The following IFT74 variants were observed in gnomAD, a reference collection of about 807,000 sequenced individuals.
The protein encoded by IFT74 is intraflagellar transport 74.
In IFT74, 92 loss-of-function variants were observed where a neutral mutation model predicts 96.7. That is an observed-to-expected ratio of 0.95 (90% CI 0.80 to 1.13). The LOEUF (loss-of-function observed/expected upper bound fraction) is 1.13, where lower values mean the gene tolerates loss of function less well. IFT74 is among the 50% of genes most tolerant of loss of function. The pLI is 0.00. For synonymous variants in IFT74, 223 were observed against 213.2 expected (o/e 1.05, Z -0.40); for missense variants, 811 against 698.2 (o/e 1.16, Z -1.82).
At chr9:27,054,660 A>G (rs964738798) in intron 16 of IFT74, among the ~76,000 whole-genome samples, 2 of 152,132 alleles carry the variant, frequency 1.3e-5, no homozygotes, top group African/African-American at 4.8e-5. Context: ...TCCTTGCAGC[A>G]TTTTCATGAT....
chr9:27,009,605 G>GT (rs1828951451), intron 9 of IFT74, among the ~76,000 whole-genome samples: 1 of 151,702 alleles, frequency 6.6e-6, no homozygotes, highest in African/African-American at 2.4e-5. Context: ...ATAGGTGGAG[G>GT]TTGCAGTAGT....
At chr9:26,947,962 C>A (rs949185472) in intron 1 of IFT74, among the ~76,000 whole-genome samples, 8 of 152,150 alleles carry the variant, frequency 5.3e-5, no homozygotes, top group Non-Finnish European at 8.8e-5. Flanking sequence ...TATTGAGTGC[C>A]AGGGTAAACA....
At chr9:27,035,365 A>G (rs1006783991) in intron 13 of IFT74, among the ~76,000 whole-genome samples, 8 of 152,264 alleles carry the variant, frequency 5.3e-5, no homozygotes, top group Non-Finnish European at 8.8e-5. Flanking sequence ...TCCAACATAT[A>G]TCTGCTGAAG....
intron 16 of IFT74, among the ~76,000 whole-genome samples, chr9:27,050,557 A>G (rs1819875902): frequency 6.6e-6 from 1 of 152,200 alleles, no homozygotes. Context: ...GGTGTGTTGC[A>G]GCTTTGAATT....
chr9:27,046,494 C>T (rs1819707249), intron 14 of IFT74, among the ~76,000 whole-genome samples: 1 of 151,956 alleles, frequency 6.6e-6, no homozygotes, highest in Admixed American at 6.6e-5. Context: ...AGAGCTGTTT[C>T]TATATTAAAC....
chr9:27,033,423 G>T (rs532054153), intron 13 of IFT74, among the ~76,000 whole-genome samples: 1 of 152,054 alleles, frequency 6.6e-6, no homozygotes, highest in Non-Finnish European at 1.5e-5. Context: ...GCCAGGCATG[G>T]TGATGTGTGT....
intron 13 of IFT74, among the ~76,000 whole-genome samples, chr9:27,034,476 G>A (rs1830261806): frequency 6.6e-6 from 1 of 152,076 alleles, no homozygotes; most frequent in Non-Finnish European, 1.5e-5. Context: ...ATTATGGAGG[G>A]TAAAATAAAC....
chr9:26,956,694 A>G (rs1826118860), intron 1 of IFT74, among the ~76,000 whole-genome samples, 178 bp downstream of exon 1: 3 of 152,158 alleles, frequency 2.0e-5, no homozygotes, highest in Admixed American at 2.0e-4. Context: ...GGTTGCGAAC[A>G]GACCTCCTCC....
chr9:27,023,743 T>G (rs1829722403), intron 12 of IFT74, among the ~76,000 whole-genome samples: 1 of 152,166 alleles, frequency 6.6e-6, no homozygotes, highest in Non-Finnish European at 1.5e-5. Flanking sequence ...CAGCAGAGGC[T>G]GCCATCTCCC....
Position 27,062,523 on chromosome 9 carries a change from C to A in IFT74, c.1685-95C>A, listed in dbSNP as rs547672436. 9.3e-6 allele frequency: 6 copies of A among 648,394 alleles called. No individual in the cohort carries two copies. In the African/African-American group the frequency reaches 9.5e-5, roughly 10 times the overall value. 40.2% of individuals were successfully genotyped at this position (648,394 alleles called of 1,614,324 possible). On this transcript the variant is annotated intron_variant, in intron 19 of 19. Transcript: ENST00000380062. The stretch of plus-strand genomic sequence containing the variant: ...GTATTCTAATTGTGCTTTTTTGTAC[C>A]ATCTTCAGTATGAAAAATGTCAGTA...
At position 26,986,739 on chromosome 9, in the gene IFT74, C is replaced by T. The variant is rs1004162863; in HGVS notation, c.466-1930C>T. 3.3e-5 allele frequency among the ~76,000 whole-genome samples: 5 copies of T among 152,182 alleles called. 1 individual carries two copies. The highest frequency in any genetic ancestry group is 3.3e-4 in the Admixed American group (5 of 15,278). ...CTGGGCACAAGTGGTCTTCCTGCAT[C>T]AGCCTCCCAAGTAGCTGGGACTACA... On this transcript the variant is annotated intron_variant, in intron 6 of 19. Transcript: ENST00000380062.
Position 26,990,123 on chromosome 9 carries a change from A to T in IFT74, c.526-11A>T. On this transcript the variant is annotated splice_polypyrimidine_tract_variant and intron_variant, in intron 7 of 19. Coordinates refer to ENST00000380062, the MANE Select transcript of IFT74 (RefSeq NM_025103.4). ...TTATTTCTTACTAACTTATGTGTTA[A>T]CTTTATTCAGCTTAAAGCTCAAAAT... is the stretch of plus-strand genomic sequence containing the variant. The T allele has an allele frequency of 6.7e-7, 1 of 1,486,326 alleles. No individual in the cohort carries two copies. 92.1% of individuals were successfully genotyped at this position (1,486,326 alleles called of 1,614,324 possible).
chr9:27,034,609 A>G (rs1282656063), intron 13 of IFT74, among the ~76,000 whole-genome samples: 1 of 152,100 alleles, frequency 6.6e-6, no homozygotes, highest in East Asian at 1.9e-4. Context: ...ACTTACCGCA[A>G]CCTCCACCTC....
Position 26,963,403 on chromosome 9 carries a change from A to G in IFT74, c.120+1316A>G, listed in dbSNP as rs1384004372. Among the ~76,000 whole-genome samples the G allele has an allele frequency of 2.1e-3, 320 of 150,396 alleles. 3 individuals are homozygous for G. Among genetic ancestry groups the G allele is most frequent in the Non-Finnish European group, 4.0e-3 (272 of 67,684 alleles). On this transcript the variant is annotated intron_variant, in intron 2 of 19. Coordinates refer to ENST00000380062, the MANE Select transcript of IFT74 (RefSeq NM_025103.4). ...TTCCAAGTCTTTGCTATTGTGAATA[A>G]TGCCGCAATAAACATACGTGTGCAT...
intron 2 of IFT74, among the ~76,000 whole-genome samples, chr9:26,964,842 G>A (rs955386792): frequency 1.3e-5 from 2 of 152,134 alleles, no homozygotes; most frequent in African/African-American, 2.4e-5. Context: ...CACGGCACCT[G>A]GAGGTAAACT....
intron 2 of IFT74, among the ~76,000 whole-genome samples, chr9:26,972,047 C>A (rs557692238): frequency 1.2e-4 from 19 of 152,286 alleles, no homozygotes; most frequent in African/African-American, 3.8e-4. Context: ...ATAAGTGTCA[C>A]CCTGTCTTGA....
chr9:27,042,530 G>C (rs1179360243), intron 13 of IFT74, among the ~76,000 whole-genome samples: 1 of 152,166 alleles, frequency 6.6e-6, no homozygotes, highest in African/African-American at 2.4e-5. Flanking sequence ...TAATCTCACT[G>C]AGAACAATTT....
intron 13 of IFT74, among the ~76,000 whole-genome samples, chr9:27,030,087 A>G (rs1448048738): frequency 6.6e-6 from 1 of 152,140 alleles, no homozygotes. Flanking sequence ...CAGTTTCCTA[A>G]CAAGCTTCTC....
chr9:27,045,712 G>A (rs1050257213), intron 14 of IFT74, among the ~76,000 whole-genome samples: 13 of 151,974 alleles, frequency 8.6e-5, no homozygotes, highest in African/African-American at 2.2e-4. Context: ...GAATTCTAGC[G>A]AAGTGCTAGA....
Sources: allele counts gnomAD v4.1 joint callset (sites outside exome capture counted in the v4.1 genomes callset), GRCh38; gene constraint gnomAD v4.1.1; transcripts MANE v1.5; gene names NCBI Gene and HGNC (gene_info 2026-07-23, HGNC 2026-07-21).